Variants in PLEKHM3 observed in about 807,000 individuals in gnomAD.
PLEKHM3 encodes the protein pleckstrin homology domain containing M3.
Under a neutral mutation model 81.8 loss-of-function variants are expected in PLEKHM3, and 45 were observed. The ratio of observed to expected loss-of-function variants is 0.55; its 90% CI spans 0.43 to 0.71. The LOEUF (loss-of-function observed/expected upper bound fraction) is 0.71, where lower values mean the gene tolerates loss of function less well. Among genes scored for constraint, PLEKHM3 ranks in the 30% least tolerant of loss-of-function variants. The probability of loss-of-function intolerance (pLI) is 0.00; values close to 1 mark genes in which losing one functional copy is unlikely to be tolerated. For missense variants in PLEKHM3, 788 were observed against 924.3 expected, an observed-to-expected ratio of 0.85 and a Z score of 1.91; for synonymous variants, 352 against 356.4, an observed-to-expected ratio of 0.99 and a Z score of 0.14.
intron 3 of PLEKHM3, among the ~76,000 whole-genome samples, chr2:207,969,386 C>A (rs561445616): frequency 2.0e-4 from 31 of 152,326 alleles, no homozygotes; most frequent in African/African-American, 7.0e-4. Flanking sequence ...AGACTGGCAG[C>A]CATTTAATGA....
intron 6 of PLEKHM3, among the ~76,000 whole-genome samples, chr2:207,885,469 T>C (rs1017663770): frequency 6.6e-6 from 1 of 152,180 alleles, no homozygotes; most frequent in African/African-American, 2.4e-5. Context: ...TGAAATCCGA[T>C]GTAAAATACT....
intron 5 of PLEKHM3, among the ~76,000 whole-genome samples, chr2:207,925,078 GAGAC>G (rs1469957411): frequency 6.6e-6 from 1 of 152,128 alleles, no homozygotes. Flanking sequence ...AAGGGAAATG[GAGAC>G]AGTTCTGAGT....
chr2:207,954,446 T>C (rs1006428580), intron 3 of PLEKHM3, among the ~76,000 whole-genome samples: 2 of 152,280 alleles, frequency 1.3e-5, no homozygotes, highest in Non-Finnish European at 2.9e-5. Flanking sequence ...CAATACACAT[T>C]ATATCTAGAG....
intron 2 of PLEKHM3, among the ~76,000 whole-genome samples, chr2:207,998,700 A>C (rs1692197492): frequency 6.6e-6 from 1 of 152,194 alleles, no homozygotes; most frequent in Non-Finnish European, 1.5e-5. Flanking sequence ...GAGCACTCAA[A>C]GGAGTAGTTC....
chr2:207,831,946 C>T (rs1309147048), intron 7 of PLEKHM3, among the ~76,000 whole-genome samples: 1 of 152,182 alleles, frequency 6.6e-6, no homozygotes, highest in East Asian at 1.9e-4. Context: ...GTGATTTATA[C>T]ACCTAGGGAT....
rs2092465055 is a variant in PLEKHM3, at chr2:207,861,154, A to G, written c.2059T>C (p.Cys687Arg). ...GGGTAGAGGATCTCTCCATTGTTAC[A>G]GATTTCACAGATGAACCCCTTCTGG... ...CSQKGFICEI[C>R]NNGEILYPFE... The change falls in exon 7 of 8, where the codon TGT becomes CGT. Residue 687 changes from cysteine (C) to arginine (R), a missense_variant. Cys to Arg is a radical substitution (Grantham distance 180). Transcript: ENST00000427836. The G allele has an allele frequency of 2.5e-6, 4 of 1,614,048 alleles. No homozygotes were observed. The highest frequency in any genetic ancestry group is 1.1e-5 in the South Asian group (1 of 91,076).
chr2:207,998,434 C>T (rs940967659), intron 2 of PLEKHM3, among the ~76,000 whole-genome samples: 1 of 152,100 alleles, frequency 6.6e-6, no homozygotes, highest in Non-Finnish European at 1.5e-5. Context: ...ATCGCATGAG[C>T]GTGGGAGACT....
intron 2 of PLEKHM3, among the ~76,000 whole-genome samples, chr2:207,979,148 G>A (rs139439043): frequency 3.0e-4 from 45 of 152,160 alleles, no homozygotes; most frequent in African/African-American, 1.0e-3. Context: ...CATGCCATCC[G>A]TAATCAATGA....
At chr2:207,882,923 AT>A (rs1041376407) in intron 6 of PLEKHM3, among the ~76,000 whole-genome samples, 4 of 151,504 alleles carry the variant, frequency 2.6e-5, no homozygotes, top group Non-Finnish European at 5.9e-5. Flanking sequence ...TAATTTTTGT[AT>A]TTTAGTAGAG....
intron 5 of PLEKHM3, among the ~76,000 whole-genome samples, chr2:207,919,099 A>C (rs2105918062): frequency 6.6e-6 from 1 of 152,304 alleles, no homozygotes; most frequent in East Asian, 1.9e-4. Flanking sequence ...GACCTAATGG[A>C]GTTACGAAGC....
chr2:207,965,976 A>G (rs188523496), intron 3 of PLEKHM3, among the ~76,000 whole-genome samples: 1 of 152,382 alleles, frequency 6.6e-6, no homozygotes, highest in Admixed American at 6.5e-5. Flanking sequence ...AATGAGAGAT[A>G]AAAGGAACCA....
At chr2:207,938,282 C>A (rs537068059) in intron 4 of PLEKHM3, among the ~76,000 whole-genome samples, 1 of 152,096 alleles carries the variant, frequency 6.6e-6, no homozygotes, top group African/African-American at 2.4e-5. Context: ...TAGGGTTTAG[C>A]GCTTCCTAAT....
At chr2:207,908,909 A>G (rs1307062370) in intron 5 of PLEKHM3, among the ~76,000 whole-genome samples, 2 of 152,234 alleles carry the variant, frequency 1.3e-5, no homozygotes, top group African/African-American at 2.4e-5. Flanking sequence ...ATCTCTGGCA[A>G]GTCCCCACAT....
intron 7 of PLEKHM3, among the ~76,000 whole-genome samples, chr2:207,846,544 A>T (rs1284564395): frequency 1.4e-5 from 2 of 146,320 alleles, no homozygotes; most frequent in African/African-American, 5.0e-5. Context: ...ACATGGTGAA[A>T]CCCCATCTCT....
At chr2:207,887,461 G>T (rs901634220) in intron 6 of PLEKHM3, among the ~76,000 whole-genome samples, 2 of 152,084 alleles carry the variant, frequency 1.3e-5, no homozygotes, top group Admixed American at 6.5e-5. Context: ...GGTAAACAAG[G>T]CTGCCCAAAT....
intron 3 of PLEKHM3, among the ~76,000 whole-genome samples, chr2:207,953,390 ATT>A (rs35615285): frequency 6.6e-6 from 1 of 151,496 alleles, no homozygotes; most frequent in Non-Finnish European, 1.5e-5. Context: ...GTTCATCAGA[ATT>A]TTTTTTTTCT....
At chr2:207,963,670 A>T (rs1162073939) in intron 3 of PLEKHM3, among the ~76,000 whole-genome samples, 1 of 152,220 alleles carries the variant, frequency 6.6e-6, no homozygotes, top group Non-Finnish European at 1.5e-5. Flanking sequence ...AGGATGTATT[A>T]AAAAGGAAGC....
At chr2:208,004,000 C>T (rs898163995) in intron 1 of PLEKHM3, among the ~76,000 whole-genome samples, 1 of 152,114 alleles carries the variant, frequency 6.6e-6, no homozygotes, top group African/African-American at 2.4e-5. Flanking sequence ...TTAGTCTTTA[C>T]TCATGATAAG....
rs748373440 is a variant in PLEKHM3 at position 207,822,817 on chromosome 2, G to A, written c.*5502C>T. 6.6e-6 allele frequency: 1 copy of A among 152,218 alleles called. No homozygotes were observed. The highest frequency in any genetic ancestry group is 1.5e-5 in the Non-Finnish European group (1 of 68,044). The allele number at this position is 152,218 out of a possible 1,614,324, so 9.4% of individuals were successfully genotyped here. A position where few individuals can be genotyped will look rare whatever the true frequency, so the allele number is the denominator to read the frequency against. On this transcript the variant is annotated 3_prime_UTR_variant, in exon 8 of 8. Coordinates refer to ENST00000427836, the MANE Select transcript of PLEKHM3 (RefSeq NM_001080475.3). ...GTGGTTCAGACTAGACTAGAAGCAC[G>A]AGACAGTACTATAAGGCACTCCTAC...
Sources: allele counts gnomAD v4.1 joint callset (sites outside exome capture counted in the v4.1 genomes callset), GRCh38; gene constraint gnomAD v4.1.1; transcripts MANE v1.5; gene names NCBI Gene and HGNC (gene_info 2026-07-23, HGNC 2026-07-21).